The following CPNE8 variants were observed in gnomAD, a reference collection of about 807,000 sequenced individuals.
CPNE8 encodes the protein copine 8.
CPNE8 carries 45 observed loss-of-function variants against 81.5 expected under a neutral mutation model. That is an observed-to-expected ratio of 0.55 (90% CI 0.44 to 0.71). The LOEUF is 0.71. Among genes scored for constraint, CPNE8 ranks in the 30% least tolerant of loss-of-function variants. The pLI, the probability that CPNE8 is intolerant of heterozygous loss-of-function variation, is 0.00. For missense variants in CPNE8, 594 were observed against 672.1 expected (o/e 0.88, Z 1.28); for synonymous variants, 252 against 226.3 (o/e 1.11, Z -1.02).
chr12:38,740,547 T>C (rs2136791641), intron 10 of CPNE8, among the ~76,000 whole-genome samples: 1 of 152,326 alleles, frequency 6.6e-6, no homozygotes, highest in East Asian at 1.9e-4. Context: ...AAATAGCTCT[T>C]ACTATTTTGA....
At chr12:38,713,731 C>T (rs1940318726) in intron 13 of CPNE8, among the ~76,000 whole-genome samples, 1 of 152,128 alleles carries the variant, frequency 6.6e-6, no homozygotes, top group Non-Finnish European at 1.5e-5. Context: ...AATTATGTCT[C>T]TTTGAATAAA....
chr12:38,757,758 A>T (rs1441347779), intron 10 of CPNE8, among the ~76,000 whole-genome samples: 1 of 152,116 alleles, frequency 6.6e-6, no homozygotes, highest in East Asian at 1.9e-4. Context: ...TTAAAAAGGT[A>T]TTAAACTTAC....
chr12:38,656,689 A>T lies in CPNE8; in HGVS notation c.1507-2619T>A, dbSNP rs531378577. On this transcript the variant is annotated intron_variant, in intron 19 of 19. Transcript: ENST00000331366. ...TAAAAACCAGATGGCTTCATGGCAA[A>T]TTCCACCAAACTTTTAAAGAACTAA... 8.1e-4 allele frequency among the ~76,000 whole-genome samples: 123 copies of T among 152,272 alleles called. No individual in the cohort carries two copies. In the South Asian group the frequency reaches 0.023, roughly 28 times the overall value.
intron 10 of CPNE8, among the ~76,000 whole-genome samples, chr12:38,757,573 G>T (rs999300123): frequency 9.9e-5 from 15 of 151,772 alleles, no homozygotes; most frequent in Admixed American, 8.5e-4. Context: ...AATTAAAAGG[G>T]TTATCAAGAA....
At chr12:38,902,332 GAAAGAA>G in intron 1 of CPNE8, among the ~76,000 whole-genome samples, 1 of 61,342 alleles carries the variant, frequency 1.6e-5, no homozygotes, top group Non-Finnish European at 2.9e-5. Flanking sequence ...AAGAAAGAAA[GAAAGAA>G]AGAAAGAAAG....
At chr12:38,795,820 C>T (rs1942446966) in intron 6 of CPNE8, among the ~76,000 whole-genome samples, 1 of 150,054 alleles carries the variant, frequency 6.7e-6, no homozygotes, top group Non-Finnish European at 1.5e-5. Flanking sequence ...TTTAACACTA[C>T]TAAACTGTAC....
chr12:38,694,183 G>T (rs1939743485), intron 14 of CPNE8, among the ~76,000 whole-genome samples: 1 of 152,144 alleles, frequency 6.6e-6, no homozygotes, highest in African/African-American at 2.4e-5. Flanking sequence ...ACAAAATCAT[G>T]TGCCTTTAGC....
chr12:38,686,520 T>C (rs1485790369), intron 15 of CPNE8, among the ~76,000 whole-genome samples: 1 of 152,236 alleles, frequency 6.6e-6, no homozygotes, highest in Non-Finnish European at 1.5e-5. Flanking sequence ...TATCTATTGC[T>C]ATGTAACAAA....
Position 38,717,146 on chromosome 12 carries a change from T to C in CPNE8, c.914+6626A>G, listed in dbSNP as rs868568078. On this transcript the variant is annotated intron_variant, in intron 13 of 19. Transcript: ENST00000331366. ...TAAAAAGTCAAAAAACAATAGATGT[T>C]AGCATGGATGTGGTGAAAAAGGAAC... 2.6e-5 allele frequency among the ~76,000 whole-genome samples: 4 copies of C among 151,894 alleles called. No individual in the cohort carries two copies. In the East Asian group the frequency reaches 5.8e-4, roughly 22 times the overall value.
At chr12:38,894,477 A>G (rs1272803583) in intron 1 of CPNE8, among the ~76,000 whole-genome samples, 3 of 152,142 alleles carry the variant, frequency 2.0e-5, no homozygotes, top group Non-Finnish European at 2.9e-5. Context: ...ATCAATTGTA[A>G]TCAACTTTCT....
chr12:38,745,004 T>C (rs1182122318), intron 10 of CPNE8, among the ~76,000 whole-genome samples: 1 of 152,230 alleles, frequency 6.6e-6, no homozygotes, highest in East Asian at 1.9e-4. Flanking sequence ...TCCCACACCT[T>C]TGGCCATGCC....
chr12:38,812,479 A>G (rs1942954089), intron 6 of CPNE8, among the ~76,000 whole-genome samples: 1 of 152,182 alleles, frequency 6.6e-6, no homozygotes. Flanking sequence ...GAAAAAAAGG[A>G]AAAGCCCCTT....
At chr12:38,828,599 AT>A (rs1943236632) in intron 6 of CPNE8, among the ~76,000 whole-genome samples, 1 of 152,170 alleles carries the variant, frequency 6.6e-6, no homozygotes, top group African/African-American at 2.4e-5. Context: ...TGGAATATTT[AT>A]TTTTTGAGTT....
chr12:38,856,161 C>T (rs1943730684), intron 3 of CPNE8, among the ~76,000 whole-genome samples: 2 of 151,864 alleles, frequency 1.3e-5, no homozygotes, highest in South Asian at 4.1e-4. Flanking sequence ...AGATAGGAAA[C>T]TTGAACAGAC....
chr12:38,776,663 A>G (rs1592079076), intron 6 of CPNE8, among the ~76,000 whole-genome samples: 1 of 152,224 alleles, frequency 6.6e-6, no homozygotes, highest in Middle Eastern at 3.4e-3. Context: ...CCTCTCCTCA[A>G]GAATCTTCAA....
intron 6 of CPNE8, among the ~76,000 whole-genome samples, chr12:38,798,610 A>G (rs1942567328): frequency 6.6e-6 from 1 of 152,168 alleles, no homozygotes; most frequent in African/African-American, 2.4e-5. Context: ...AATTGTAAAG[A>G]CCATCGAGAC....
At chr12:38,737,132 A>T (rs1326241491) in intron 10 of CPNE8, among the ~76,000 whole-genome samples, 1 of 151,744 alleles carries the variant, frequency 6.6e-6, no homozygotes, top group African/African-American at 2.4e-5. Flanking sequence ...AATAATAGTA[A>T]TAACAATAAT....
intron 15 of CPNE8, among the ~76,000 whole-genome samples, chr12:38,690,858 G>T (rs1180002930): frequency 6.6e-6 from 1 of 152,022 alleles, no homozygotes; most frequent in Non-Finnish European, 1.5e-5. Flanking sequence ...GATTTTCATG[G>T]TTTTATAAGT....
intron 3 of CPNE8, among the ~76,000 whole-genome samples, chr12:38,863,437 G>T (rs1943870075): frequency 6.6e-6 from 1 of 152,110 alleles, no homozygotes; most frequent in African/African-American, 2.4e-5. Flanking sequence ...TTCCTTCAAA[G>T]AGAAAACGGA....
Sources: gnomAD v4.1 joint callset for allele counts (sites outside exome capture counted in the v4.1 genomes callset) on GRCh38, gnomAD v4.1.1 for gene constraint, MANE v1.5 for transcripts, NCBI Gene and HGNC (gene_info 2026-07-23, HGNC 2026-07-21) for gene names.